The following MICU1 variants were observed in gnomAD, a reference collection of about 807,000 sequenced individuals.
MICU1 encodes calcium uptake protein 1, mitochondrial.
MICU1 carries 45 observed loss-of-function variants against 56.8 expected under a neutral mutation model. The observed-to-expected ratio is 0.79, with a 90% CI of 0.62 to 1.02. The LOEUF (loss-of-function observed/expected upper bound fraction) is 1.02. MICU1 is among the 50% of genes least tolerant of loss of function. The probability of loss-of-function intolerance (pLI) is 0.00; values close to 1 mark genes in which losing one functional copy is unlikely to be tolerated. For missense variants in MICU1, 504 were observed against 587.1 expected (o/e 0.86, Z 1.46); for synonymous variants, 186 against 195.1 (o/e 0.95, Z 0.39).
In MICU1 at chr10:72,367,924, T is replaced by G; in HGVS notation, c.*271A>C. On this transcript the variant is annotated 3_prime_UTR_variant, in exon 12 of 12. Coordinates refer to ENST00000361114, the MANE Select transcript of MICU1 (RefSeq NM_001195518.2). Reference sequence around the variant, plus strand: ...ATTCTTTATCCACAGGATGCTTGAATGGGTGGTGCTGTTGAGGCTGACAAA... The same window carrying G: ...ATTCTTTATCCACAGGATGCTTGAAGGGGTGGTGCTGTTGAGGCTGACAAA... The G allele has an allele frequency of 2.7e-6, 1 of 365,158 alleles. No individual in the cohort carries two copies. Among genetic ancestry groups the G allele is most frequent in the African/African-American group, 2.0e-5 (1 of 49,552 alleles). The allele number at this position is 365,158 out of a possible 1,614,324, so 22.6% of individuals were successfully genotyped here. A position where few individuals can be genotyped will look rare whatever the true frequency, so the allele number is the denominator to read the frequency against.
chr10:72,474,258 C>CAAAAAAA (rs55978543), intron 8 of MICU1, among the ~76,000 whole-genome samples: 18 of 60,726 alleles, frequency 3.0e-4, no homozygotes, highest in Non-Finnish European at 3.0e-4. Flanking sequence ...AGGACTGTCT[C>CAAAAAAA]AAAAAAAAAA....
intron 10 of MICU1, among the ~76,000 whole-genome samples, chr10:72,397,356 A>G (rs1863303059): frequency 6.6e-6 from 1 of 152,232 alleles, no homozygotes; most frequent in Non-Finnish European, 1.5e-5. Context: ...CATCGATGCT[A>G]TGAAGAAACT....
intron 8 of MICU1, among the ~76,000 whole-genome samples, chr10:72,452,946 C>G (rs866173275): frequency 3.3e-5 from 5 of 152,130 alleles, no homozygotes; most frequent in Non-Finnish European, 5.9e-5. Flanking sequence ...TTCAGATGAC[C>G]TCTATAAAGC....
At chr10:72,415,607 C>G (rs965318394) in intron 9 of MICU1, among the ~76,000 whole-genome samples, 6 of 152,176 alleles carry the variant, frequency 3.9e-5, no homozygotes, top group African/African-American at 1.4e-4. Context: ...ATCCCTTCCG[C>G]TCACAACATG....
chr10:72,458,920 TA>T (rs2132232364), intron 8 of MICU1, among the ~76,000 whole-genome samples: 1 of 149,600 alleles, frequency 6.7e-6, no homozygotes, highest in Admixed American at 6.7e-5. Flanking sequence ...GTAGAGACAT[TA>T]TCTTCCTATG....
At chr10:72,459,320 G>A (rs1258218310) in intron 8 of MICU1, among the ~76,000 whole-genome samples, 2 of 152,136 alleles carry the variant, frequency 1.3e-5, no homozygotes, top group Admixed American at 1.3e-4. Flanking sequence ...GGCAGAGCGA[G>A]ACTCCATCTC....
At position 72,367,879 on chromosome 10, in the gene MICU1, G is replaced by T. The variant is rs180890936; in HGVS notation, c.*316C>A. 8.3e-5 allele frequency: 23 copies of T among 277,198 alleles called. No individual in the cohort carries two copies. Among genetic ancestry groups the T allele is most frequent in the Admixed American group, 4.3e-4 (9 of 20,894 alleles). 17.2% of individuals were successfully genotyped at this position (277,198 alleles called of 1,614,324 possible). ...ACTGGATGCTTCCCAGGGTTGGCAG[G>T]TGTGTGGATGGTTCCCTGAATTCTT... On this transcript the variant is annotated 3_prime_UTR_variant, in exon 12 of 12. Transcript: ENST00000361114.
chr10:72,427,830 A>G (rs1007070452), intron 8 of MICU1, among the ~76,000 whole-genome samples: 2 of 150,950 alleles, frequency 1.3e-5, no homozygotes, highest in African/African-American at 4.9e-5. Context: ...TAGTGATCTC[A>G]AGCCACTGAG....
At chr10:72,609,372 G>A (rs1295260527) in intron 1 of MICU1, among the ~76,000 whole-genome samples, 2 of 152,160 alleles carry the variant, frequency 1.3e-5, no homozygotes, top group East Asian at 1.9e-4. Context: ...AGGCATGATG[G>A]TGCACATCTA....
rs753866798 is a variant in MICU1 at position 72,562,978 on chromosome 10, A to C, written c.247T>G (p.Cys83Gly). ...TCTGCAGTCTTTTTCTCATGGTTAC[A>C]AACATCCCCTTCATCTTTATTCTTC... ...KGKNKDEGDV[C>G]NHEKKTADLA... The change falls in exon 3 of 12, where the codon TGT becomes GGT. Residue 83 changes from cysteine (C) to glycine (G), a missense_variant. Transcript: ENST00000361114. 16 of 1,610,398 alleles carry C rather than the reference A, an allele frequency of 9.9e-6. No individual in the cohort carries two copies. Among genetic ancestry groups the C allele is most frequent in the Non-Finnish European group, 1.3e-5 (15 of 1,178,332 alleles).
chr10:72,514,696 T>G (rs1477112303), intron 5 of MICU1, among the ~76,000 whole-genome samples: 17 of 152,202 alleles, frequency 1.1e-4, no homozygotes, highest in Non-Finnish European at 2.9e-5. Flanking sequence ...ATTTCTTCAA[T>G]GCTTACTTAG....
At chr10:72,386,212 C>T (rs182841100) in intron 10 of MICU1, among the ~76,000 whole-genome samples, 87 of 152,128 alleles carry the variant, frequency 5.7e-4, no homozygotes, top group African/African-American at 2.0e-3. Flanking sequence ...GACGGAGTCT[C>T]GCTCTGTCGC....
chr10:72,624,910 A>G (rs1039076433), intron 1 of MICU1, among the ~76,000 whole-genome samples: 2 of 152,226 alleles, frequency 1.3e-5, no homozygotes, highest in Non-Finnish European at 2.9e-5. Flanking sequence ...TACCTGGTCC[A>G]CACCAGAAAC....
At chr10:72,542,471 C>T (rs1274914505) in intron 4 of MICU1, among the ~76,000 whole-genome samples, 7 of 152,124 alleles carry the variant, frequency 4.6e-5, no homozygotes, top group African/African-American at 1.4e-4. Flanking sequence ...CTACCTGTTG[C>T]GGGAGGGAGT....
At chr10:72,381,812 A>C (rs1397072091) in intron 10 of MICU1, among the ~76,000 whole-genome samples, 1 of 152,150 alleles carries the variant, frequency 6.6e-6, no homozygotes, top group Non-Finnish European at 1.5e-5. Flanking sequence ...ATTGTCTAGT[A>C]TTGTATCTGG....
In MICU1 at chr10:72,367,845, G is replaced by A. The variant is rs529222989; in HGVS notation, c.*350C>T. ...GTTAGTATAAATCCATAGCAAAAAC[G>A]ATTTGAGAACTGGATGCTTCCCAGG... is the stretch of plus-strand genomic sequence containing the variant. On this transcript the variant is annotated 3_prime_UTR_variant, in exon 12 of 12. Transcript: ENST00000361114. The A allele has an allele frequency of 4.7e-5, 10 of 213,666 alleles. No homozygotes were observed. The highest frequency in any genetic ancestry group is 2.7e-4 in the Admixed American group (5 of 18,862). 13.2% of individuals were successfully genotyped at this position (213,666 alleles called of 1,614,324 possible).
intron 9 of MICU1, among the ~76,000 whole-genome samples, chr10:72,419,073 A>G (rs1383628431): frequency 6.6e-6 from 1 of 152,210 alleles, no homozygotes; most frequent in Non-Finnish European, 1.5e-5. Context: ...CTCTTCCTTC[A>G]AGGGAGATGC....
chr10:72,588,160 C>G (rs925775988), intron 1 of MICU1, among the ~76,000 whole-genome samples: 3 of 152,056 alleles, frequency 2.0e-5, no homozygotes, highest in Non-Finnish European at 4.4e-5. Flanking sequence ...AGTACTTCCC[C>G]CTCTTCTCTC....
rs574612289 is a variant in MICU1, at chr10:72,453,607, G to A, written c.933+21493C>T. 5.0e-4 allele frequency among the ~76,000 whole-genome samples: 76 copies of A among 151,918 alleles called. 3 individuals carry two copies. Among genetic ancestry groups the A allele is most frequent in the South Asian group, 8.3e-4 (4 of 4,812 alleles). On this transcript the variant is annotated intron_variant, in intron 8 of 11. Coordinates refer to ENST00000361114, the MANE Select transcript of MICU1 (RefSeq NM_001195518.2). ...TGCAGTGGCATATTCCTGGCTCACC[G>A]CAACCCCTGCCTCCCAGGTTCAAGC...
Sources: gnomAD v4.1 joint callset for allele counts (sites outside exome capture counted in the v4.1 genomes callset) on GRCh38, gnomAD v4.1.1 for gene constraint, MANE v1.5 for transcripts, NCBI Gene and HGNC (gene_info 2026-07-23, HGNC 2026-07-21) for gene names.